The following ITGA2 variants were observed in gnomAD, a reference collection of about 807,000 sequenced individuals.
ITGA2 encodes the protein integrin subunit alpha 2, also known as integrin alpha-2.
A neutral mutation model predicts 146.3 loss-of-function variants in ITGA2; 101 were observed. The observed-to-expected ratio is 0.69, with a 90% CI of 0.59 to 0.81. The LOEUF is 0.81. Among genes scored for constraint, ITGA2 ranks in the 40% least tolerant of loss-of-function variants. ITGA2 has a pLI of 0.00. For synonymous variants in ITGA2, 477 were observed against 487.1 expected (o/e 0.98, Z 0.27); for missense variants, 1,281 against 1,402.7 (o/e 0.91, Z 1.39).
At chr5:53,070,737 G>A (rs1200020471) in intron 17 of ITGA2, among the ~76,000 whole-genome samples, 1 of 151,832 alleles carries the variant, frequency 6.6e-6, no homozygotes, top group Non-Finnish European at 1.5e-5. Context: ...TGTAATTACT[G>A]TATTTAACAT....
Position 53,078,833 on chromosome 5 carries a change from A to C in ITGA2, c.2887A>C (p.Ser963Arg). 1.2e-6 allele frequency: 2 copies of C among 1,611,970 alleles called. No individual in the cohort carries two copies. The highest frequency in any genetic ancestry group is 2.2e-5 in the South Asian group (2 of 91,010). ...TGGGAATGTTCCTTCAATCGTGCACAGTTTTGAAGATGTTGGTCCAAAATT... is the reference window on the plus strand; with the variant it reads ...TGGGAATGTTCCTTCAATCGTGCACCGTTTTGAAGATGTTGGTCCAAAATT... ...SDGNVPSIVHSFEDVGPKFIF... is the reference protein window; with the variant it reads ...SDGNVPSIVHRFEDVGPKFIF... Residue 963 changes from serine (S) to arginine (R), a missense_variant, in exon 24 of 30, where the codon AGT (serine) becomes CGT (arginine). By Grantham distance (110) the Ser-to-Arg change is moderately radical. Transcript: ENST00000296585.
chr5:53,084,854 G>C (rs1420586068), intron 27 of ITGA2, among the ~76,000 whole-genome samples: 2 of 152,146 alleles, frequency 1.3e-5, no homozygotes, highest in Non-Finnish European at 2.9e-5. Context: ...GGATTTTCTT[G>C]AGTTTAAGAC....
chr5:53,087,132 A>G lies in ITGA2; in HGVS notation c.3348+91A>G, dbSNP rs3212637. 6.6e-4 allele frequency: 563 copies of G among 849,978 alleles called. 3 individuals carry two copies. In the African/African-American group the frequency reaches 8.8e-3, roughly 13 times the overall value. 52.7% of individuals were successfully genotyped at this position (849,978 alleles called of 1,614,324 possible). On this transcript the variant is annotated intron_variant, in intron 28 of 29. Coordinates refer to ENST00000296585, the MANE Select transcript of ITGA2 (RefSeq NM_002203.4). Reference sequence around the variant, plus strand: ...TGGGATAGTCACTCTTCTTACCTACATGTATGTAGAAGTATCTTACTAAAA... The same window carrying G: ...TGGGATAGTCACTCTTCTTACCTACGTGTATGTAGAAGTATCTTACTAAAA...
At chr5:53,075,674 T>G (rs1262738224) in intron 23 of ITGA2, among the ~76,000 whole-genome samples, 1 of 151,920 alleles carries the variant, frequency 6.6e-6, no homozygotes, top group Admixed American at 6.6e-5. Context: ...TACTTCCCAT[T>G]GTATGTGAGA....
chr5:53,066,241 C>T (rs936704522), intron 15 of ITGA2, among the ~76,000 whole-genome samples: 2 of 151,838 alleles, frequency 1.3e-5, no homozygotes, highest in African/African-American at 4.8e-5. Flanking sequence ...GAAATGGTAT[C>T]CAGGCTATTT....
intron 26 of ITGA2, 78 bp from the exon 27 acceptor site, chr5:53,083,262 T>G (rs1471572776): frequency 1.1e-6 from 1 of 900,216 alleles, no homozygotes; most frequent in Non-Finnish European, 1.8e-6. Flanking sequence ...GAGTTTTATC[T>G]AGCTTTAAAA....
Position 53,092,682 on chromosome 5 carries a change from C to T in ITGA2, c.*2083C>T, listed in dbSNP as rs910461275. ...CATTAGCTTGATAAAGAATATTTAA[C>T]AGCTAGTGGTGCTGGTGTGTACCTG... is the stretch of plus-strand genomic sequence containing the variant. On this transcript the variant is annotated 3_prime_UTR_variant, in exon 30 of 30. Transcript: ENST00000296585. 1.3e-5 allele frequency: 2 copies of T among 150,844 alleles called. No individual in the cohort carries two copies. The highest frequency in any genetic ancestry group is 2.4e-5 in the African/African-American group (1 of 41,052). The allele number at this position is 150,844 out of a possible 1,614,324, so 9.3% of individuals were successfully genotyped here. A position where few individuals can be genotyped will look rare whatever the true frequency, so the allele number is the denominator to read the frequency against.
At chr5:53,010,273 G>A (rs1742058613) in intron 1 of ITGA2, among the ~76,000 whole-genome samples, 1 of 152,218 alleles carries the variant, frequency 6.6e-6, no homozygotes, top group Admixed American at 6.5e-5. Context: ...TAGAGAGGCA[G>A]AGGCCAGAGG....
chr5:53,024,571 G>T (rs1452763157), intron 1 of ITGA2, among the ~76,000 whole-genome samples: 1 of 152,148 alleles, frequency 6.6e-6, no homozygotes, highest in East Asian at 1.9e-4. Context: ...GATAATTTTG[G>T]ATAATTGCTC....
At chr5:52,989,555 A>T (rs1400424565) in intron 1 of ITGA2, 23 bp downstream of exon 1, 2 of 1,613,726 alleles carry the variant, frequency 1.2e-6, no homozygotes, top group Admixed American at 3.3e-5. Context: ...TTCGCTCTGC[A>T]TCGGCTGCAG....
At chr5:52,994,266 G>A (rs1341663740) in intron 1 of ITGA2, among the ~76,000 whole-genome samples, 1 of 152,178 alleles carries the variant, frequency 6.6e-6, no homozygotes, top group Non-Finnish European at 1.5e-5. Flanking sequence ...ATCCAAACAT[G>A]GGGAAAGGAA....
In ITGA2 at chr5:53,017,238, T is replaced by C. The variant is rs190883251; in HGVS notation, c.65-9510T>C. ...GCTGATATTCCTTCAGTCTTTGAAA[T>C]TGCTACTTTTTGGATGGGTTGTTTT... is the stretch of plus-strand genomic sequence containing the variant. On this transcript the variant is annotated intron_variant, in intron 1 of 29. Coordinates refer to ENST00000296585, the MANE Select transcript of ITGA2 (RefSeq NM_002203.4). Among the ~76,000 whole-genome samples the C allele has an allele frequency of 7.2e-5, 11 of 152,348 alleles. No homozygotes were observed. The East Asian group carries it at 1.7e-3, about 24-fold the overall frequency.
At chr5:53,055,846 C>T in intron 8 of ITGA2, 138 bp from the exon 9 acceptor site, 1 of 1,235,648 alleles carries the variant, frequency 8.1e-7, no homozygotes, top group Non-Finnish European at 1.2e-6. Context: ...TCAATCCTGT[C>T]TACTAAATAA....
chr5:53,009,822 T>C (rs1455442722), intron 1 of ITGA2, among the ~76,000 whole-genome samples: 2 of 152,144 alleles, frequency 1.3e-5, no homozygotes, highest in East Asian at 3.9e-4. Flanking sequence ...CTTGTGAGGA[T>C]GCAACAAGAA....
chr5:53,081,807 T>C (rs1453088295), intron 26 of ITGA2, 111 bp downstream of exon 26: 15 of 738,042 alleles, frequency 2.0e-5, no homozygotes, highest in Admixed American at 4.8e-5. Context: ...TATTTTGCCT[T>C]TGATGCTTAT....
At chr5:53,031,340 C>A (rs941348947) in intron 2 of ITGA2, among the ~76,000 whole-genome samples, 1 of 152,208 alleles carries the variant, frequency 6.6e-6, no homozygotes, top group South Asian at 2.1e-4. Context: ...TATTCCCTTA[C>A]TGCTTATTCT....
chr5:53,034,305 C>A (rs1340831195), intron 2 of ITGA2, among the ~76,000 whole-genome samples: 1 of 151,820 alleles, frequency 6.6e-6, no homozygotes, highest in Non-Finnish European at 1.5e-5. Context: ...TCCAAAGTGG[C>A]ATGTCTCATC....
chr5:53,089,812 A>G, intron 28 of ITGA2, 134 bp from the exon 29 acceptor site: 1 of 728,812 alleles, frequency 1.4e-6, no homozygotes, highest in Non-Finnish European at 2.5e-6. Context: ...TGTTTGAGAT[A>G]CGCCATCATG....
At chr5:53,041,810 A>G (rs988419553) in intron 2 of ITGA2, among the ~76,000 whole-genome samples, 15 of 152,190 alleles carry the variant, frequency 9.9e-5, no homozygotes, top group African/African-American at 3.4e-4. Flanking sequence ...TTCTTAATGT[A>G]GCTGGCTACT....
Sources: gnomAD v4.1 joint callset for allele counts (sites outside exome capture counted in the v4.1 genomes callset) on GRCh38, gnomAD v4.1.1 for gene constraint, MANE v1.5 for transcripts, NCBI Gene and HGNC (gene_info 2026-07-23, HGNC 2026-07-21) for gene names.